The following TMPRSS6 variants were observed in gnomAD, a reference collection of about 807,000 sequenced individuals.
The protein encoded by TMPRSS6 is transmembrane protease serine 6.
In TMPRSS6, 67 loss-of-function variants were observed where a neutral mutation model predicts 101.5. The ratio of observed to expected loss-of-function variants is 0.66; its 90% CI spans 0.54 to 0.81. TMPRSS6 has a LOEUF of 0.81. Ranked by LOEUF, TMPRSS6 falls within the 30% of genes least tolerant of loss-of-function variation. The probability of loss-of-function intolerance (pLI) is 0.00; values close to 1 mark genes in which losing one functional copy is unlikely to be tolerated. For synonymous variants in TMPRSS6, 453 were observed against 464.9 expected, an observed-to-expected ratio of 0.97 and a Z score of 0.33; for missense variants, 1,034 against 1,088.7, an observed-to-expected ratio of 0.95 and a Z score of 0.71.
At chr22:37,093,234 G>A (rs2543514) in intron 6 of TMPRSS6, among the ~76,000 whole-genome samples, 1 of 151,770 alleles carries the variant, frequency 6.6e-6, no homozygotes, top group East Asian at 1.9e-4. Context: ...TTCATGAAAC[G>A]AACACCCACT....
In TMPRSS6 at chr22:37,075,338, A is replaced by C. The variant is rs1306634778; in HGVS notation, c.1197-58T>G. On this transcript the variant is annotated intron_variant, in intron 10 of 17. Transcript: ENST00000676104. ...CTGGCTGGTCTCCTGGGTCCCGTGC[A>C]CAGACAGAGCAAGGACAGGCAGCCA... The C allele has an allele frequency of 1.2e-5, 20 of 1,607,236 alleles. No individual in the cohort carries two copies. In the South Asian group the frequency reaches 2.2e-4, roughly 18 times the overall value.
chr22:37,096,541 T>TC (rs1929777150), intron 4 of TMPRSS6, 107 bp downstream of exon 4: 1 of 1,267,562 alleles, frequency 7.9e-7, no homozygotes, highest in Non-Finnish European at 1.1e-6. Flanking sequence ...TGCCTTAGTT[T>TC]CCCCATTTGA....
At chr22:37,094,576 G>T (rs910752268) in intron 6 of TMPRSS6, among the ~76,000 whole-genome samples, 2 of 151,994 alleles carry the variant, frequency 1.3e-5, no homozygotes, top group Admixed American at 1.3e-4. Flanking sequence ...TAGACAAATA[G>T]ATCAGTTTCT....
At chr22:37,102,508 C>T (rs2146185518) in intron 2 of TMPRSS6, among the ~76,000 whole-genome samples, 1 of 152,326 alleles carries the variant, frequency 6.6e-6, no homozygotes. Flanking sequence ...ATAATAGATG[C>T]TCAAGAGCAT....
chr22:37,069,008 C>CAGGTG lies in TMPRSS6; in HGVS notation c.2113+60_2113+64dup. 6.6e-7 allele frequency: 1 copy of CAGGTG among 1,526,516 alleles called. No homozygotes were observed. The highest frequency in any genetic ancestry group is 8.8e-7 in the Non-Finnish European group (1 of 1,142,634). 94.6% of individuals were successfully genotyped at this position (1,526,516 alleles called of 1,614,324 possible). On this transcript the variant is annotated intron_variant, in intron 16 of 17. Transcript: ENST00000676104. This position sits in a 1 kb window ranked among gnomAD's most constrained non-coding sequence, Gnocchi z 4.8. ...CCCCCAGCCCCGCCCTTCTCCAGGC[C>CAGGTG]AGGTGTTACGGCGCAGATCCGCACG...
At chr22:37,095,782 G>C (rs2543510) in intron 5 of TMPRSS6, 124 bp downstream of exon 5, 4 of 1,321,866 alleles carry the variant, frequency 3.0e-6, no homozygotes, top group Non-Finnish European at 2.1e-6. Flanking sequence ...CACCTGGGGG[G>C]CTCTCCTGGG....
chr22:37,098,557 G>A lies in TMPRSS6; in HGVS notation c.203-8C>T, dbSNP rs1601570115. 2 of 1,614,144 alleles carry A rather than the reference G, an allele frequency of 1.2e-6. No individual in the cohort carries two copies. The highest frequency in any genetic ancestry group is 8.5e-7 in the Non-Finnish European group (1 of 1,180,004). Reference sequence around the variant, plus strand: ...TCACCTCCGCCTTGTACCCTGCCCAGGAAGGAACCAGCAGGGTTAGTGGAG... The same window carrying A: ...TCACCTCCGCCTTGTACCCTGCCCAAGAAGGAACCAGCAGGGTTAGTGGAG... On this transcript the variant is annotated splice_polypyrimidine_tract_variant and splice_region_variant and intron_variant, in intron 2 of 17. Transcript: ENST00000676104.
chr22:37,096,858 A>T, intron 3 of TMPRSS6, 143 bp from the exon 4 acceptor site: 3 of 840,406 alleles, frequency 3.6e-6, no homozygotes, highest in Non-Finnish European at 5.9e-6. Context: ...TCACGGTCAC[A>T]CAGTGCTGAG....
chr22:37,085,664 C>A, intron 8 of TMPRSS6, among the ~76,000 whole-genome samples: 1 of 151,918 alleles, frequency 6.6e-6, no homozygotes, highest in Non-Finnish European at 1.5e-5. Context: ...CGTGCCCTTC[C>A]TGGGAAGGGG....
chr22:37,086,875 C>CCCAGG (rs1264440862), intron 7 of TMPRSS6, among the ~76,000 whole-genome samples: 4 of 152,278 alleles, frequency 2.6e-5, no homozygotes, highest in African/African-American at 9.6e-5. Context: ...GGTGTGGTCT[C>CCCAGG]GTGACCCCCA....
Position 37,103,237 on chromosome 22 carries a change from C to G in TMPRSS6, c.181G>C (p.Val61Leu), listed in dbSNP as rs557834969. The part of the protein sequence containing the change: ...LALLVLASAG[V>L]LLWYFLGYKA... ...TTACCTAGGAAATACCAGAGTAGCA[C>G]CCCCGCCGAAGCCAGCACGAGCAGG... The change falls in exon 2 of 18, where the codon GTG becomes CTG. Residue 61 changes from valine (V) to leucine (L), a missense_variant. Val to Leu is a conservative substitution (Grantham distance 32). Coordinates refer to ENST00000676104, the MANE Select transcript of TMPRSS6 (RefSeq NM_001374504.1). This position sits in a 1 kb window ranked among gnomAD's most constrained non-coding sequence, Gnocchi z 4.4. The G allele has an allele frequency of 6.6e-5, 107 of 1,614,002 alleles. No homozygotes were observed. The East Asian group carries it at 2.1e-3, about 32-fold the overall frequency.
intron 7 of TMPRSS6, among the ~76,000 whole-genome samples, chr22:37,087,037 G>A (rs1302886840): frequency 6.6e-6 from 1 of 152,156 alleles, no homozygotes; most frequent in Non-Finnish European, 1.5e-5. Flanking sequence ...TCCAGATAGG[G>A]AAACTGAGGC....
At chr22:37,072,076 G>C (rs1169360697) in intron 13 of TMPRSS6, among the ~76,000 whole-genome samples, 4 of 141,832 alleles carry the variant, frequency 2.8e-5, no homozygotes, top group Non-Finnish European at 4.4e-5. Context: ...TTGGATGGAT[G>C]ATGGATGGAT....
chr22:37,077,949 G>A (rs1259441342), intron 10 of TMPRSS6, among the ~76,000 whole-genome samples: 1 of 152,236 alleles, frequency 6.6e-6, no homozygotes, highest in Admixed American at 6.5e-5. Flanking sequence ...CAGCCCAGCA[G>A]GGCCGGTGGG....
chr22:37,084,851 G>C lies in TMPRSS6; in HGVS notation c.974-12C>G, dbSNP rs747614798. The C allele has an allele frequency of 6.5e-7, 1 of 1,550,066 alleles. No individual in the cohort carries two copies. Among genetic ancestry groups the C allele is most frequent in the East Asian group, 2.4e-5 (1 of 40,992 alleles). On this transcript the variant is annotated splice_polypyrimidine_tract_variant and intron_variant, in intron 8 of 17. Coordinates refer to ENST00000676104, the MANE Select transcript of TMPRSS6 (RefSeq NM_001374504.1). ...GTTCACTTCACAGGCTGGACCAGGA[G>C]AGCAGCTGTTACACAGGGGTCCCCT... is the stretch of plus-strand genomic sequence containing the variant.
intron 8 of TMPRSS6, among the ~76,000 whole-genome samples, chr22:37,086,062 G>A (rs1043264853): frequency 5.5e-5 from 8 of 145,528 alleles, no homozygotes; most frequent in East Asian, 2.2e-4. Context: ...CAGAGACTGC[G>A]AATGGTAGGA....
At chr22:37,089,870 C>G (rs1056650386) in intron 6 of TMPRSS6, 88 bp from the exon 7 acceptor site, 2 of 1,389,606 alleles carry the variant, frequency 1.4e-6, no homozygotes, top group African/African-American at 2.9e-5. Context: ...GGTCCTCCAC[C>G]AGGCAGGATG....
chr22:37,110,362 C>T (rs571909397), upstream of TMPRSS6, among the ~76,000 whole-genome samples: 5 of 151,516 alleles, frequency 3.3e-5, no homozygotes, highest in South Asian at 8.4e-4. Flanking sequence ...AGGCTGGTCT[C>T]GAACTCCTGA....
chr22:37,106,341 A>G (rs2146197415), intron 1 of TMPRSS6, among the ~76,000 whole-genome samples: 1 of 152,220 alleles, frequency 6.6e-6, no homozygotes, highest in South Asian at 2.1e-4. Context: ...CATTAGAGGA[A>G]GCCCGAAGAG....
Sources: gnomAD v4.1 joint callset for allele counts (sites outside exome capture counted in the v4.1 genomes callset) on GRCh38, gnomAD v4.1.1 for gene constraint, Gnocchi (gnomAD v3.1) non-coding constraint, MANE v1.5 for transcripts, NCBI Gene and HGNC (gene_info 2026-07-23, HGNC 2026-07-21) for gene names.